Variants in SUGCT observed in about 807,000 individuals in gnomAD.
The protein encoded by SUGCT is succinyl-CoA:glutarate CoA-transferase.
In SUGCT, 41 loss-of-function variants were observed where a neutral mutation model predicts 55.0. The ratio of observed to expected loss-of-function variants is 0.74; its 90% CI spans 0.58 to 0.97. SUGCT has a LOEUF of 0.97. Ranked by LOEUF, SUGCT falls within the 50% of genes least tolerant of loss-of-function variation. SUGCT has a pLI of 0.00. For missense variants in SUGCT, 568 were observed against 547.8 expected, an observed-to-expected ratio of 1.04 and a Z score of -0.37; for synonymous variants, 187 against 200.4, an observed-to-expected ratio of 0.93 and a Z score of 0.56.
intron 6 of SUGCT, among the ~76,000 whole-genome samples, chr7:40,196,156 T>TTA (rs527791932): frequency 8.1e-4 from 123 of 152,300 alleles, no homozygotes; most frequent in Admixed American, 1.8e-3. Flanking sequence ...AGTGAACCTC[T>TTA]TATATATGCA....
the SUGCT span, among the ~76,000 whole-genome samples, chr7:40,924,211 C>A: frequency 1.8e-3 from 278 of 151,996 alleles, no homozygotes; most frequent in Non-Finnish European, 2.7e-3. Flanking sequence ...TAAAGCACCC[C>A]AAACTGACTA....
chr7:40,871,538 C>T, the SUGCT span, among the ~76,000 whole-genome samples: 14 of 152,222 alleles, frequency 9.2e-5, no homozygotes, highest in Admixed American at 2.0e-4. Context: ...TTCTGACCCA[C>T]ATACATTGAT....
At chr7:40,684,048 G>T (rs1259006748) in intron 12 of SUGCT, 2 of 1,612,400 alleles carry the variant, frequency 1.2e-6, no homozygotes, top group Non-Finnish European at 8.5e-7. Context: ...TTTGCTGGTT[G>T]TCAATAGAAC....
chr7:40,714,203 G>A (rs7795422), intron 12 of SUGCT, among the ~76,000 whole-genome samples: 21 of 151,996 alleles, frequency 1.4e-4, no homozygotes, highest in African/African-American at 3.4e-4. Context: ...GTTGGTGAGC[G>A]CCTGTAATCT....
At chr7:40,277,704 A>ATTATTAT (rs1562639268) in intron 8 of SUGCT, among the ~76,000 whole-genome samples, 1 of 148,238 alleles carries the variant, frequency 6.7e-6, no homozygotes, top group African/African-American at 2.5e-5. Context: ...TATTATTATT[A>ATTATTAT]TACTTTAAGT....
At chr7:40,860,212 A>C in intron 13 of SUGCT, 104 bp from the exon 14 acceptor site, 1 of 1,360,924 alleles carries the variant, frequency 7.3e-7, no homozygotes, top group Non-Finnish European at 1.0e-6. Flanking sequence ...ACTGGCACTC[A>C]TTGATATTTT....
At chr7:40,554,135 A>G (rs1795442210) in intron 12 of SUGCT, among the ~76,000 whole-genome samples, 1 of 152,242 alleles carries the variant, frequency 6.6e-6, no homozygotes, top group Non-Finnish European at 1.5e-5. Context: ...GTGCTCAGCA[A>G]TAAATGTTGT....
At chr7:40,570,757 T>C (rs1796397421) in intron 12 of SUGCT, among the ~76,000 whole-genome samples, 1 of 151,338 alleles carries the variant, frequency 6.6e-6, no homozygotes, top group Admixed American at 6.6e-5. Context: ...GAGAATCAGA[T>C]AACCAGCCTA....
At chr7:40,716,559 A>G (rs1412385274) in intron 12 of SUGCT, among the ~76,000 whole-genome samples, 1 of 152,256 alleles carries the variant, frequency 6.6e-6, no homozygotes, top group Non-Finnish European at 1.5e-5. Flanking sequence ...ATGTGAGCAC[A>G]AAAGAACTAT....
At chr7:40,312,172 T>A (rs368365277) in intron 8 of SUGCT, among the ~76,000 whole-genome samples, 4 of 151,798 alleles carry the variant, frequency 2.6e-5, no homozygotes, top group Non-Finnish European at 4.4e-5. Context: ...CCCGAGTAGC[T>A]GGGATTGCAG....
chr7:40,922,590 G>C, the SUGCT span, among the ~76,000 whole-genome samples: 1 of 152,226 alleles, frequency 6.6e-6, no homozygotes, highest in Non-Finnish European at 1.5e-5. Flanking sequence ...TTTACTGAGA[G>C]TGTAGAAATC....
chr7:40,402,481 A>G (rs578076994), intron 9 of SUGCT, among the ~76,000 whole-genome samples: 2 of 152,286 alleles, frequency 1.3e-5, no homozygotes, highest in African/African-American at 4.8e-5. Flanking sequence ...TTTTCTTTTC[A>G]TAAACTTCTA....
chr7:40,743,819 A>G (rs1191176143), intron 12 of SUGCT, among the ~76,000 whole-genome samples: 1 of 152,234 alleles, frequency 6.6e-6, no homozygotes, highest in Admixed American at 6.5e-5. Context: ...GCCTATGCTC[A>G]GGGCTTTATA....
chr7:40,427,142 A>G (rs1249865387), intron 9 of SUGCT, among the ~76,000 whole-genome samples: 3 of 152,296 alleles, frequency 2.0e-5, no homozygotes, highest in Non-Finnish European at 2.9e-5. Flanking sequence ...TGATTGAGAC[A>G]TATATGTCCA....
chr7:40,598,475 G>A (rs1444588425), intron 12 of SUGCT, among the ~76,000 whole-genome samples: 2 of 152,198 alleles, frequency 1.3e-5, no homozygotes, highest in Non-Finnish European at 2.9e-5. Flanking sequence ...GCCAGTGGAG[G>A]GAGGATTCAT....
At chr7:40,277,986 G>A (rs1025370722) in intron 8 of SUGCT, among the ~76,000 whole-genome samples, 46 of 151,946 alleles carry the variant, frequency 3.0e-4, no homozygotes, top group African/African-American at 1.1e-3. Flanking sequence ...ATGATTTCCA[G>A]CTTCATCCAT....
chr7:40,274,755 C>A, intron 8 of SUGCT, 99 bp downstream of exon 8: 1 of 1,057,178 alleles, frequency 9.5e-7, no homozygotes, highest in Non-Finnish European at 1.4e-6. Flanking sequence ...AAAAACAATA[C>A]AAAAACCAAC....
Position 40,448,382 on chromosome 7 carries a change from A to G in SUGCT, c.817-905A>G, listed in dbSNP as rs905180767. On this transcript the variant is annotated intron_variant, in intron 9 of 13. Transcript: ENST00000335693. ...AGGGAAAAAATGAAAATAAAACAAA[A>G]AAATTCTTAATTGTTCCAAACCATA... 4.6e-5 allele frequency among the ~76,000 whole-genome samples: 7 copies of G among 152,154 alleles called. 1 individual carries two copies. Among genetic ancestry groups the G allele is most frequent in the Non-Finnish European group, 1.0e-4 (7 of 68,036 alleles).
In SUGCT at chr7:40,752,166, C is replaced by T. The variant is rs531926674; in HGVS notation, c.1153+2669C>T. ...CAGCTGGGTAGCTTTGCTTCTAGTT[C>T]CAGGTCTGGCCAGGTTTAGCTCCTG... On this transcript the variant is annotated intron_variant, in intron 13 of 13. Coordinates refer to ENST00000335693, the MANE Select transcript of SUGCT (RefSeq NM_001193313.2). Among the ~76,000 whole-genome samples the T allele has an allele frequency of 2.8e-4, 43 of 152,114 alleles. 2 individuals are homozygous for T. The highest frequency in any genetic ancestry group is 7.4e-5 in the Non-Finnish European group (5 of 67,978).
Sources: allele counts gnomAD v4.1 joint callset (sites outside exome capture counted in the v4.1 genomes callset), GRCh38; gene constraint gnomAD v4.1.1; transcripts MANE v1.5; gene names NCBI Gene and HGNC (gene_info 2026-07-23, HGNC 2026-07-21).